SGCD: variants seen among roughly 807,000 people sequenced by gnomAD.
The protein encoded by SGCD is delta-sarcoglycan.
A neutral mutation model predicts 36.6 loss-of-function variants in SGCD; 18 were observed. The ratio of observed to expected loss-of-function variants is 0.49; its 90% CI spans 0.34 to 0.73. SGCD has a LOEUF of 0.73. Ranked by LOEUF, SGCD falls within the 30% of genes least tolerant of loss-of-function variation. The probability of loss-of-function intolerance (pLI) is 0.01; values close to 1 mark genes in which losing one functional copy is unlikely to be tolerated. For synonymous variants in SGCD, 133 were observed against 130.6 expected (o/e 1.02, Z -0.12); for missense variants, 387 against 346.7 (o/e 1.12, Z -0.92).
the SGCD span, among the ~76,000 whole-genome samples, chr5:155,859,312 C>T: frequency 6.6e-6 from 1 of 152,024 alleles, no homozygotes; most frequent in Non-Finnish European, 1.5e-5. Context: ...AGTGATTCTC[C>T]CACCTTGGCC....
the SGCD span, among the ~76,000 whole-genome samples, chr5:155,835,389 A>T: frequency 6.6e-6 from 1 of 152,138 alleles, no homozygotes; most frequent in Admixed American, 6.5e-5. Flanking sequence ...AATCTACAGA[A>T]ATACAAATGG....
chr5:156,056,666 C>T (rs1021551120), intron 1 of SGCD, among the ~76,000 whole-genome samples: 1 of 73,828 alleles, frequency 1.4e-5, no homozygotes, highest in Non-Finnish European at 2.2e-5. Flanking sequence ...AAAAAAAAAA[C>T]AGTCTCCAAA....
intron 1 of SGCD, among the ~76,000 whole-genome samples, chr5:156,077,846 G>A (rs1760830455): frequency 6.6e-6 from 1 of 152,274 alleles, no homozygotes; most frequent in African/African-American, 2.4e-5. Flanking sequence ...ATTGGCTGTG[G>A]AGGTTGGAAA....
At chr5:156,185,189 G>C (rs139390502) in intron 3 of SGCD, among the ~76,000 whole-genome samples, 298 of 150,478 alleles carry the variant, frequency 2.0e-3, no homozygotes, top group African/African-American at 6.9e-3. Context: ...TATACTGCAT[G>C]CGTTTCTCCT....
intron 1 of SGCD, among the ~76,000 whole-genome samples, chr5:156,059,667 A>G (rs1210714019): frequency 6.8e-6 from 1 of 146,418 alleles, no homozygotes; most frequent in South Asian, 2.1e-4. Flanking sequence ...TGCCAAAGTA[A>G]TTTGCCTTCT....
intron 3 of SGCD, among the ~76,000 whole-genome samples, chr5:156,407,631 G>A (rs1580942792): frequency 6.6e-6 from 1 of 152,188 alleles, no homozygotes; most frequent in African/African-American, 2.4e-5. Context: ...ATTTTCTATG[G>A]TAAGGCCATT....
At chr5:155,810,093 C>T in the SGCD span, among the ~76,000 whole-genome samples, 1 of 152,078 alleles carries the variant, frequency 6.6e-6, no homozygotes, top group African/African-American at 2.4e-5. Flanking sequence ...ATGTAATGAA[C>T]AAAGAACACA....
Position 156,748,484 on chromosome 5 carries a change from C to G in SGCD, c.576-9097C>G, listed in dbSNP as rs181200971. Among the ~76,000 whole-genome samples the G allele has an allele frequency of 6.0e-4, 92 of 152,068 alleles. 1 individual carries two copies. Among genetic ancestry groups the G allele is most frequent in the African/African-American group, 2.2e-3 (90 of 41,492 alleles). ...ATGTGTCCAAGGCAAATAACAGAAG[C>G]ATAGTGGAAAAACTATACTAATAGG... is the stretch of plus-strand genomic sequence containing the variant. On this transcript the variant is annotated intron_variant, in intron 7 of 8. Coordinates refer to ENST00000337851, the MANE Select transcript of SGCD (RefSeq NM_000337.6).
At chr5:156,695,138 T>TTGTGTGTG (rs35024208) in intron 7 of SGCD, among the ~76,000 whole-genome samples, 1 of 145,816 alleles carries the variant, frequency 6.9e-6, no homozygotes, top group Non-Finnish European at 1.5e-5. Context: ...GTGTGTGTGT[T>TTGTGTGTG]TGTGTGTGTG....
intron 3 of SGCD, among the ~76,000 whole-genome samples, chr5:156,426,114 C>G (rs374078790): frequency 6.6e-6 from 1 of 152,010 alleles, no homozygotes; most frequent in Non-Finnish European, 1.5e-5. Flanking sequence ...GTTTTACTTT[C>G]AGTTCTTTAA....
the SGCD span, among the ~76,000 whole-genome samples, chr5:155,865,083 CATAGATAGATAGATAG>C: frequency 6.9e-5 from 10 of 144,150 alleles, no homozygotes; most frequent in African/African-American, 1.0e-4. Context: ...TATACATAGC[CATAGATAGATAGATAG>C]ATAGATAGAT....
chr5:156,470,492 C>T (rs979339824), intron 3 of SGCD, among the ~76,000 whole-genome samples: 3 of 152,066 alleles, frequency 2.0e-5, no homozygotes, highest in Admixed American at 1.3e-4. Context: ...ATCCCTCCCC[C>T]CTACCCCCAC....
intron 3 of SGCD, among the ~76,000 whole-genome samples, chr5:156,382,904 G>A (rs6880774): frequency 0.48 from 72,957 of 151,978 alleles, 17,709 homozygotes; most frequent in East Asian, 0.71. Flanking sequence ...GCATTCTGGT[G>A]ACTAAAACTA....
At position 156,621,262 on chromosome 5, in the gene SGCD, G is replaced by A. The variant is rs1581269871; in HGVS notation, c.503-26202G>A. The stretch of plus-strand genomic sequence containing the variant: ...GCTGGAGTGCAGTGGCACAATCTCG[G>A]CTTACTGCAACCTCCGACTCTCAGG... On this transcript the variant is annotated intron_variant, in intron 6 of 8. Coordinates refer to ENST00000337851, the MANE Select transcript of SGCD (RefSeq NM_000337.6). Among the ~76,000 whole-genome samples the A allele has an allele frequency of 3.3e-5, 5 of 152,276 alleles. No homozygotes were observed. The South Asian group carries it at 1.0e-3, about 32-fold the overall frequency.
At chr5:155,738,212 G>A in the SGCD span, among the ~76,000 whole-genome samples, 1 of 152,112 alleles carries the variant, frequency 6.6e-6, no homozygotes, top group Non-Finnish European at 1.5e-5. Flanking sequence ...TGAACTGGGG[G>A]CAGAATTTTT....
At chr5:155,737,381 A>T in the SGCD span, among the ~76,000 whole-genome samples, 1 of 152,174 alleles carries the variant, frequency 6.6e-6, no homozygotes, top group African/African-American at 2.4e-5. Context: ...GCACATTTAC[A>T]TGTGGAGACA....
At chr5:156,402,379 T>C (rs1464329107) in intron 3 of SGCD, among the ~76,000 whole-genome samples, 4 of 152,318 alleles carry the variant, frequency 2.6e-5, no homozygotes, top group East Asian at 3.9e-4. Flanking sequence ...ACATATGGCA[T>C]AGAGCAATTT....
chr5:156,695,614 C>T (rs933024466), intron 7 of SGCD, among the ~76,000 whole-genome samples: 9 of 151,974 alleles, frequency 5.9e-5, no homozygotes, highest in African/African-American at 9.7e-5. Flanking sequence ...ATTATTAAAG[C>T]GTATGCATGT....
intron 6 of SGCD, among the ~76,000 whole-genome samples, chr5:156,602,980 T>C (rs1271399649): frequency 6.6e-6 from 1 of 152,136 alleles, no homozygotes; most frequent in Non-Finnish European, 1.5e-5. Context: ...GTGTTTCCTC[T>C]TCTCTGATGT....
Sources: gnomAD v4.1 joint callset for allele counts (sites outside exome capture counted in the v4.1 genomes callset) on GRCh38, gnomAD v4.1.1 for gene constraint, MANE v1.5 for transcripts, NCBI Gene and HGNC (gene_info 2026-07-23, HGNC 2026-07-21) for gene names.